Variants in ATP10B observed in about 807,000 individuals in gnomAD.
The protein encoded by ATP10B is ATPase phospholipid transporting 10B (putative).
In ATP10B, 122 loss-of-function variants were observed where a neutral mutation model predicts 141.2. The observed-to-expected ratio is 0.86, with a 90% CI of 0.75 to 1.00. The LOEUF (loss-of-function observed/expected upper bound fraction) is 1.00, where lower values mean the gene tolerates loss of function less well. Ranked by LOEUF, ATP10B falls within the 50% of genes least tolerant of loss-of-function variation. The pLI is 0.00. For synonymous variants in ATP10B, 685 were observed against 692.0 expected (o/e 0.99, Z 0.16); for missense variants, 1,876 against 1,825.3 (o/e 1.03, Z -0.51).
chr5:160,790,204 T>C (rs1275818297), intron 1 of ATP10B, among the ~76,000 whole-genome samples: 1 of 151,864 alleles, frequency 6.6e-6, no homozygotes, highest in African/African-American at 2.4e-5. Context: ...TCTTTTCTCT[T>C]CTCTCTGAAA....
chr5:160,672,686 C>T (rs1233182004), intron 6 of ATP10B, among the ~76,000 whole-genome samples: 1 of 152,272 alleles, frequency 6.6e-6, no homozygotes, highest in East Asian at 1.9e-4. Flanking sequence ...GGCTTCTTCA[C>T]TGATGCTGAG....
At chr5:160,763,164 A>T (rs1769168712) in intron 2 of ATP10B, among the ~76,000 whole-genome samples, 1 of 152,132 alleles carries the variant, frequency 6.6e-6, no homozygotes, top group African/African-American at 2.4e-5. Context: ...CATCAAGACA[A>T]AGTCAACAAA....
At chr5:160,755,871 A>ATATG (rs1768554747) in intron 2 of ATP10B, among the ~76,000 whole-genome samples, 2 of 114,656 alleles carry the variant, frequency 1.7e-5, no homozygotes, top group East Asian at 2.5e-4. Context: ...ATATATATAT[A>ATATG]TATATATTAT....
At chr5:160,890,290 T>C in the ATP10B span, among the ~76,000 whole-genome samples, 1 of 152,228 alleles carries the variant, frequency 6.6e-6, no homozygotes, top group Non-Finnish European at 1.5e-5. Flanking sequence ...TTTTTGTAAT[T>C]GAAGCTAAAG....
chr5:160,889,999 C>A, the ATP10B span, among the ~76,000 whole-genome samples: 1 of 152,182 alleles, frequency 6.6e-6, no homozygotes, highest in African/African-American at 2.4e-5. Context: ...TTGGAAGATT[C>A]ATTTGCCATT....
intron 2 of ATP10B, among the ~76,000 whole-genome samples, chr5:160,784,132 A>G (rs1340920167): frequency 2.6e-5 from 4 of 152,162 alleles, no homozygotes; most frequent in Non-Finnish European, 4.4e-5. Context: ...TTGAGACAGA[A>G]AAGTCTTTCT....
upstream of ATP10B, among the ~76,000 whole-genome samples, chr5:160,855,822 T>C (rs1243529702): frequency 6.6e-6 from 1 of 151,900 alleles, no homozygotes; most frequent in Non-Finnish European, 1.5e-5. Context: ...TTTTCAATTG[T>C]ACTAGAACCA....
rs1208405018 is a variant in ATP10B at position 160,564,974 on chromosome 5, T to C, written c.*479A>G. 1 of 155,188 alleles carries C rather than the reference T, an allele frequency of 6.4e-6. No individual in the cohort carries two copies. The highest frequency in any genetic ancestry group is 1.4e-5 in the Non-Finnish European group (1 of 70,130). 9.6% of individuals were successfully genotyped at this position (155,188 alleles called of 1,614,324 possible). A position where few individuals can be genotyped will look rare whatever the true frequency, so the allele number is the denominator to read the frequency against. On this transcript the variant is annotated 3_prime_UTR_variant, in exon 26 of 26. Coordinates refer to ENST00000327245, the MANE Select transcript of ATP10B (RefSeq NM_025153.3). Reference sequence around the variant, plus strand: ...ATGTTAACCCCGATTCAGCCATTACTGCAATACACTTGAGATGAAGCCCTT... The same window carrying C: ...ATGTTAACCCCGATTCAGCCATTACCGCAATACACTTGAGATGAAGCCCTT...
chr5:160,639,134 A>C (rs1201188244), intron 10 of ATP10B: 1 of 152,340 alleles, frequency 6.6e-6, no homozygotes, highest in Non-Finnish European at 1.5e-5. Context: ...TTCTGCTCAC[A>C]GCTGCCTGCC....
intron 21 of ATP10B, among the ~76,000 whole-genome samples, chr5:160,602,145 T>C (rs545468901): frequency 6.6e-6 from 1 of 152,354 alleles, no homozygotes; most frequent in Middle Eastern, 3.4e-3. Context: ...TTATAAACGA[T>C]TACGATACGC....
chr5:160,729,123 T>C (rs1445500183), intron 2 of ATP10B, among the ~76,000 whole-genome samples: 1 of 152,188 alleles, frequency 6.6e-6, no homozygotes, highest in Non-Finnish European at 1.5e-5. Flanking sequence ...AATTACATTA[T>C]TGTTAGGCCC....
chr5:160,718,216 C>T (rs1765772896), intron 2 of ATP10B, among the ~76,000 whole-genome samples: 1 of 152,108 alleles, frequency 6.6e-6, no homozygotes, highest in Non-Finnish European at 1.5e-5. Flanking sequence ...CATTTCTTTC[C>T]CAAATCTAAA....
At chr5:160,904,695 A>C in the ATP10B span, among the ~76,000 whole-genome samples, 1 of 152,350 alleles carries the variant, frequency 6.6e-6, no homozygotes, top group African/African-American at 2.4e-5. Flanking sequence ...TCTGAAGAGC[A>C]GTTGGCACGA....
the ATP10B span, among the ~76,000 whole-genome samples, chr5:160,869,602 T>C: frequency 0.73 from 111,331 of 152,060 alleles, 42,180 homozygotes; most frequent in East Asian, 0.98. Context: ...AAGTGAAATG[T>C]TGAACAGACT....
At chr5:160,572,985 T>C (rs1282746400) in intron 24 of ATP10B, among the ~76,000 whole-genome samples, 1 of 152,242 alleles carries the variant, frequency 6.6e-6, no homozygotes, top group East Asian at 1.9e-4. Context: ...TTCATACACG[T>C]GTACATGTTT....
intron 1 of ATP10B, among the ~76,000 whole-genome samples, chr5:160,816,081 C>A (rs1291019965): frequency 6.6e-6 from 1 of 151,280 alleles, no homozygotes; most frequent in Non-Finnish European, 1.5e-5. Flanking sequence ...AAATTGACAC[C>A]CTAACATCAC....
At position 160,632,193 on chromosome 5, in the gene ATP10B, T is replaced by G. The variant is rs897210506; in HGVS notation, c.1556A>C (p.Tyr519Ser). The change falls in exon 13 of 26, where the codon TAC (tyrosine) becomes TCC (serine). Residue 519 changes from tyrosine (Y) to serine (S), a missense_variant. Coordinates refer to ENST00000327245, the MANE Select transcript of ATP10B (RefSeq NM_025153.3). ...ACGGTGCCCCATAGACCTTTGCCGG[T>G]AGTGGCCCTGGATGGGCACCCGGGC... ...QSARVPIQGH[Y>S]RQRSMGHRES... 1.9e-6 allele frequency: 3 copies of G among 1,614,090 alleles called. No individual in the cohort carries two copies. In the African/African-American group the frequency reaches 4.0e-5, roughly 22 times the overall value.
At chr5:160,805,223 A>G (rs939834789) in intron 1 of ATP10B, among the ~76,000 whole-genome samples, 6 of 152,242 alleles carry the variant, frequency 3.9e-5, no homozygotes, top group African/African-American at 1.4e-4. Flanking sequence ...AGGATTCTGC[A>G]CATGAAGTAT....
At chr5:160,709,227 AGGTATCAATAAT>A (rs1765208229) in intron 3 of ATP10B, among the ~76,000 whole-genome samples, 1 of 152,238 alleles carries the variant, frequency 6.6e-6, no homozygotes, top group Admixed American at 6.5e-5. Context: ...CTTAGGGCAC[AGGTATCAATAAT>A]GAAAAACTGA....
Sources: allele counts gnomAD v4.1 joint callset (sites outside exome capture counted in the v4.1 genomes callset), GRCh38; gene constraint gnomAD v4.1.1; transcripts MANE v1.5; gene names NCBI Gene and HGNC (gene_info 2026-07-23, HGNC 2026-07-21).